The following RALGPS1 variants were observed in gnomAD, a reference collection of about 807,000 sequenced individuals.
The protein encoded by RALGPS1 is ras-specific guanine nucleotide-releasing factor RalGPS1.
In RALGPS1, 19 loss-of-function variants were observed where a neutral mutation model predicts 78.8. The ratio of observed to expected loss-of-function variants is 0.24; its 90% confidence interval spans 0.17 to 0.35. The LOEUF (loss-of-function observed/expected upper bound fraction) is 0.35, where lower values mean the gene tolerates loss of function less well. Ranked by LOEUF, RALGPS1 falls within the 10% of genes least tolerant of loss-of-function variation. The pLI is 1.00. For synonymous variants in RALGPS1, 228 were observed against 256.3 expected (o/e 0.89, Z 1.06); for missense variants, 454 against 688.3 (o/e 0.66, Z 3.81).
At chr9:127,167,380 A>C (rs1406523293) in intron 9 of RALGPS1, among the ~76,000 whole-genome samples, 1 of 152,222 alleles carries the variant, frequency 6.6e-6, no homozygotes, top group African/African-American at 2.4e-5. Flanking sequence ...GCACAAATAC[A>C]TTGATACTTG....
intron 5 of RALGPS1, among the ~76,000 whole-genome samples, chr9:127,035,290 C>T (rs1236200129): frequency 6.6e-6 from 1 of 152,130 alleles, no homozygotes; most frequent in Non-Finnish European, 1.5e-5. Flanking sequence ...CCTGGCCTTG[C>T]ACTACTTTAA....
intron 11 of RALGPS1, chr9:127,177,960 G>A (rs2059976612): frequency 6.5e-7 from 1 of 1,547,514 alleles, no homozygotes; most frequent in African/African-American, 1.4e-5. Flanking sequence ...GCAGGGGACA[G>A]AATGGACCCC....
In RALGPS1 at chr9:127,083,282, T is replaced by TGGA. The variant is rs537902145; in HGVS notation, c.610+13927_610+13929dup. ...ACGGGCAGAGCCCATAGAGTTGGGG[T>TGGA]GGATACCCAGCCTGAACTGGGCCAG... On this transcript the variant is annotated intron_variant, in intron 8 of 18. Transcript: ENST00000259351. 2.6e-5 allele frequency among the ~76,000 whole-genome samples: 4 copies of TGGA among 152,044 alleles called. No individual in the cohort carries two copies. In the South Asian group the frequency reaches 8.3e-4, roughly 32 times the overall value.
chr9:127,095,326 A>T (rs900012912), intron 8 of RALGPS1, among the ~76,000 whole-genome samples: 5 of 152,180 alleles, frequency 3.3e-5, no homozygotes, highest in Admixed American at 6.5e-5. Context: ...TGAATCCAGG[A>T]GGTGGAGGTT....
Position 127,029,261 on chromosome 9 carries a change from C to T in RALGPS1, c.217-5170C>T, listed in dbSNP as rs1014474246. Reference sequence around the variant, plus strand: ...GAGTCTAGGCCCTGAATGCCTTACTCCCCAGTCAGACCCACTCTGGTCAGG... The same window carrying T: ...GAGTCTAGGCCCTGAATGCCTTACTTCCCAGTCAGACCCACTCTGGTCAGG... On this transcript the variant is annotated intron_variant, in intron 4 of 18. Transcript: ENST00000259351. Among the ~76,000 whole-genome samples the T allele has an allele frequency of 2.0e-5, 3 of 152,316 alleles. No individual in the cohort carries two copies. In the South Asian group the frequency reaches 6.2e-4, roughly 32 times the overall value.
chr9:127,190,697 C>T (rs1162979530), intron 11 of RALGPS1, among the ~76,000 whole-genome samples: 1 of 152,154 alleles, frequency 6.6e-6, no homozygotes, highest in East Asian at 1.9e-4. Context: ...CACAATGCTA[C>T]CTTGAGCATC....
intron 8 of RALGPS1, among the ~76,000 whole-genome samples, chr9:127,107,716 C>T (rs2054354457): frequency 6.6e-6 from 1 of 152,160 alleles, no homozygotes; most frequent in Admixed American, 6.5e-5. Context: ...TTTGAGGATC[C>T]ATCTAAGGAA....
chr9:127,072,740 T>C (rs1176868444), intron 8 of RALGPS1, among the ~76,000 whole-genome samples: 2 of 152,216 alleles, frequency 1.3e-5, no homozygotes, highest in East Asian at 1.9e-4. Context: ...GAAAGAAATA[T>C]ATGTTACAGT....
intron 4 of RALGPS1, among the ~76,000 whole-genome samples, chr9:126,978,848 G>A (rs566170324): frequency 1.3e-5 from 2 of 152,094 alleles, no homozygotes; most frequent in Non-Finnish European, 2.9e-5. Flanking sequence ...CCCAGACTGG[G>A]ACCAGCAGAT....
At chr9:127,034,118 A>G (rs982679000) in intron 4 of RALGPS1, among the ~76,000 whole-genome samples, 5 of 152,182 alleles carry the variant, frequency 3.3e-5, no homozygotes, top group African/African-American at 1.2e-4. Flanking sequence ...CCCTCAGACA[A>G]TTTGCATTGT....
intron 14 of RALGPS1, among the ~76,000 whole-genome samples, chr9:127,206,988 A>G (rs889409768): frequency 1.3e-5 from 2 of 152,104 alleles, no homozygotes; most frequent in African/African-American, 4.8e-5. Flanking sequence ...TTCTTTATCT[A>G]TAAGGTGGGG....
chr9:126,952,148 C>T (rs1427788516), intron 1 of RALGPS1, among the ~76,000 whole-genome samples: 1 of 152,206 alleles, frequency 6.6e-6, no homozygotes, highest in Non-Finnish European at 1.5e-5. Context: ...AGTTCTATCG[C>T]TTGTTCCTAG....
At chr9:127,045,162 A>G (rs2047644162) in intron 5 of RALGPS1, among the ~76,000 whole-genome samples, 1 of 152,208 alleles carries the variant, frequency 6.6e-6, no homozygotes, top group African/African-American at 2.4e-5. Context: ...TGAACTTTAT[A>G]GCACCAAGAG....
chr9:127,182,314 C>T (rs1272021769), intron 11 of RALGPS1, among the ~76,000 whole-genome samples: 1 of 150,820 alleles, frequency 6.6e-6, no homozygotes, highest in Non-Finnish European at 1.5e-5. Flanking sequence ...ACCTACCTAC[C>T]TTCCTTCCTT....
In RALGPS1 at chr9:127,213,055, C is replaced by T. The variant is rs750666015; in HGVS notation, c.1552+6C>T. 3.1e-6 allele frequency: 5 copies of T among 1,614,114 alleles called. No individual in the cohort carries two copies. The highest frequency in any genetic ancestry group is 1.7e-6 in the Non-Finnish European group (2 of 1,180,046). Reference sequence around the variant, plus strand: ...GCTGAACAACCCTGACAAAGGTAGGCAGCAGGCCAGAGCTGGCGCCTGCAG... The same window carrying T: ...GCTGAACAACCCTGACAAAGGTAGGTAGCAGGCCAGAGCTGGCGCCTGCAG... On this transcript the variant is annotated splice_donor_region_variant and intron_variant, in intron 17 of 18. Transcript: ENST00000259351.
intron 5 of RALGPS1, among the ~76,000 whole-genome samples, chr9:127,048,945 A>AT (rs2135292548): frequency 6.6e-6 from 1 of 152,280 alleles, no homozygotes; most frequent in African/African-American, 2.4e-5. Flanking sequence ...CACATTGTTG[A>AT]TTCTTGGTTT....
chr9:127,182,396 CCCTT>C (rs1197162606), intron 11 of RALGPS1, among the ~76,000 whole-genome samples: 1 of 122,692 alleles, frequency 8.2e-6, no homozygotes, highest in African/African-American at 3.0e-5. Flanking sequence ...CTCCCTCCCT[CCCTT>C]CCTTCCTCCC....
chr9:127,154,832 G>A (rs2058623099), intron 8 of RALGPS1, among the ~76,000 whole-genome samples: 3 of 152,170 alleles, frequency 2.0e-5, no homozygotes, highest in South Asian at 4.1e-4. Flanking sequence ...CTCTCTGGCC[G>A]GGATCCTGGT....
At chr9:127,052,787 G>T (rs1205567077) in intron 6 of RALGPS1, 60 bp from the exon 7 acceptor site, 3 of 1,032,822 alleles carry the variant, frequency 2.9e-6, no homozygotes, top group Non-Finnish European at 3.0e-6. Flanking sequence ...TAACACTTGA[G>T]CATGTTTTTG....
Sources: gnomAD v4.1 joint callset for allele counts (sites outside exome capture counted in the v4.1 genomes callset) on GRCh38, gnomAD v4.1.1 for gene constraint, MANE v1.5 for transcripts, NCBI Gene and HGNC (gene_info 2026-07-23, HGNC 2026-07-21) for gene names.